GRM4: variants seen among roughly 807,000 people sequenced by gnomAD.
GRM4 encodes the protein metabotropic glutamate receptor 4.
In GRM4, 28 loss-of-function variants were observed where a neutral mutation model predicts 81.7. The ratio of observed to expected loss-of-function variants is 0.34; its 90% confidence interval spans 0.25 to 0.47. The LOEUF is 0.47. GRM4 is among the 20% of genes least tolerant of loss of function. GRM4 has a pLI of 1.00. For missense variants in GRM4, 948 were observed against 1,290.0 expected (o/e 0.73, Z 4.06); for synonymous variants, 488 against 528.8 (o/e 0.92, Z 1.06).
At chr6:34,148,833 A>C (rs1411437363), upstream of GRM4, among the ~76,000 whole-genome samples, 7 of 152,006 alleles carry the variant, frequency 4.6e-5, no homozygotes, top group Admixed American at 2.0e-4. Context: ...TCACTCTTAA[A>C]CCTTTAAAGG....
chr6:34,127,295 G>A (rs1433603108), intron 2 of GRM4, among the ~76,000 whole-genome samples: 1 of 152,248 alleles, frequency 6.6e-6, no homozygotes, highest in Non-Finnish European at 1.5e-5. Flanking sequence ...GGCTGAATGA[G>A]AAAGATCCAG....
At chr6:34,117,313 G>A (rs1449446250) in intron 2 of GRM4, among the ~76,000 whole-genome samples, 12 of 152,170 alleles carry the variant, frequency 7.9e-5, no homozygotes. Flanking sequence ...GCCGGAGGGA[G>A]GGAACAAAGA....
At chr6:34,100,052 C>T (rs1420062008) in intron 2 of GRM4, 7 of 984,082 alleles carry the variant, frequency 7.1e-6, no homozygotes, top group East Asian at 1.1e-4. Flanking sequence ...GGATTTAGAC[C>T]AGCTGCCTAC....
At chr6:34,146,369 C>CA (rs1770932323), upstream of GRM4, among the ~76,000 whole-genome samples, 1 of 152,216 alleles carries the variant, frequency 6.6e-6, no homozygotes, top group South Asian at 2.1e-4. Context: ...TGGTCTCCCT[C>CA]CAGCACTGGA....
At chr6:34,104,631 C>A (rs533763541) in intron 2 of GRM4, among the ~76,000 whole-genome samples, 2 of 152,166 alleles carry the variant, frequency 1.3e-5, no homozygotes, top group African/African-American at 4.8e-5. Flanking sequence ...GCACACACTG[C>A]GTGTCCATTC....
intron 2 of GRM4, among the ~76,000 whole-genome samples, chr6:34,104,146 C>A (rs1451638414): frequency 1.3e-5 from 2 of 152,366 alleles, no homozygotes; most frequent in East Asian, 3.9e-4. Flanking sequence ...TGGGCCAGGA[C>A]ACAGGCAATG....
At chr6:34,044,433 C>T (rs945710925) in intron 6 of GRM4, among the ~76,000 whole-genome samples, 1 of 148,384 alleles carries the variant, frequency 6.7e-6, no homozygotes, top group East Asian at 2.0e-4. Flanking sequence ...TACACACAGA[C>T]ATACATACAT....
upstream of GRM4, chr6:34,146,091 G>A (rs79719881): frequency 1.1e-3 from 1,116 of 985,402 alleles, 1 homozygote; most frequent in Middle Eastern, 3.1e-3. Flanking sequence ...GTACAGCAAA[G>A]CACAGGGACG....
intron 2 of GRM4, among the ~76,000 whole-genome samples, chr6:34,125,613 G>C (rs1769992687): frequency 6.6e-6 from 1 of 152,236 alleles, no homozygotes. Context: ...CAATCCACAG[G>C]GAAGGGCCTG....
chr6:34,029,953 C>G (rs760403434), intron 9 of GRM4, among the ~76,000 whole-genome samples: 1 of 152,192 alleles, frequency 6.6e-6, no homozygotes, highest in African/African-American at 2.4e-5. Flanking sequence ...AAAATGAAAG[C>G]CTGTCCCCCA....
chr6:34,142,204 T>G (rs2127517270), intron 1 of GRM4, among the ~76,000 whole-genome samples: 1 of 152,300 alleles, frequency 6.6e-6, no homozygotes, highest in African/African-American at 2.4e-5. Flanking sequence ...CCAGCAGCTC[T>G]TCTGCAGCCC....
chr6:34,148,466 C>T (rs980246843), upstream of GRM4, among the ~76,000 whole-genome samples: 5 of 152,038 alleles, frequency 3.3e-5, no homozygotes, highest in African/African-American at 1.2e-4. Flanking sequence ...CAAAGAACTT[C>T]CAGTGGCGTC....
At position 34,090,643 on chromosome 6, in the gene GRM4, G is replaced by A. The variant is rs549595199; in HGVS notation, c.736+1240C>T. Among the ~76,000 whole-genome samples, 118 of 151,948 alleles carry A rather than the reference G, an allele frequency of 7.8e-4. No individual in the cohort carries two copies. The highest frequency in any genetic ancestry group is 2.6e-3 in the African/African-American group (109 of 41,428). ...AGTCAGTGCTGCCCCACTTCCCGCC[G>A]CCCCGCTGCCCCCTCCACCAGGTGG... On this transcript the variant is annotated intron_variant, in intron 3 of 10. Transcript: ENST00000538487. This position sits in a 1 kb window ranked among gnomAD's most constrained non-coding sequence, Gnocchi z 5.2.
intron 3 of GRM4, among the ~76,000 whole-genome samples, chr6:34,073,154 C>A (rs62646209): frequency 1.4e-4 from 4 of 28,660 alleles, no homozygotes; most frequent in African/African-American, 5.6e-4. Flanking sequence ...CACATCACCA[C>A]AGACACACAC....
intron 10 of GRM4, among the ~76,000 whole-genome samples, 195 bp from the exon 11 acceptor site, chr6:34,023,065 T>G (rs1763968669): frequency 6.6e-6 from 1 of 152,246 alleles, no homozygotes; most frequent in Non-Finnish European, 1.5e-5. Flanking sequence ...CTTCTCCTGC[T>G]GTTCCTAGCT....
chr6:34,143,452 G>T (rs992320539), intron 1 of GRM4, among the ~76,000 whole-genome samples: 2 of 152,176 alleles, frequency 1.3e-5, no homozygotes, highest in South Asian at 4.1e-4. Context: ...CCAAGAAGAG[G>T]TGACGAGGCC....
At position 34,103,162 on chromosome 6, in the gene GRM4, CTCT is replaced by C. The variant is rs570320239; in HGVS notation, c.520-11066_520-11064del. Among the ~76,000 whole-genome samples, 46 of 152,344 alleles carry C rather than the reference CTCT, an allele frequency of 3.0e-4. 1 individual carries two copies. In the East Asian group the frequency reaches 8.9e-3, roughly 29 times the overall value. The stretch of plus-strand genomic sequence containing the variant: ...TCCCCATCCCCGGGTCCTGCCCAGC[CTCT>C]TATCAGGAAAACAAGCGGACACTTG... On this transcript the variant is annotated intron_variant, in intron 2 of 10. Coordinates refer to ENST00000538487, the MANE Select transcript of GRM4 (RefSeq NM_000841.4).
intron 1 of GRM4, among the ~76,000 whole-genome samples, chr6:34,141,084 G>A (rs1027428899): frequency 3.3e-5 from 5 of 151,962 alleles, no homozygotes; most frequent in Non-Finnish European, 5.9e-5. Flanking sequence ...AGCAATGACA[G>A]AGTTTTTACT....
rs139368079 is a variant in GRM4 at position 34,049,040 on chromosome 6, C to T, written c.1168+7504G>A. Among the ~76,000 whole-genome samples the T allele has an allele frequency of 1.5e-3, 226 of 152,224 alleles. 1 individual carries two copies. Among genetic ancestry groups the T allele is most frequent in the African/African-American group, 5.1e-3 (211 of 41,512 alleles). ...CATTTCTCCGATTTAAGCAAACAAACAAATCCCCTCTCTTGACCCACCCCT... is the reference window on the plus strand; with the variant it reads ...CATTTCTCCGATTTAAGCAAACAAATAAATCCCCTCTCTTGACCCACCCCT... On this transcript the variant is annotated intron_variant, in intron 6 of 10. Transcript: ENST00000538487.
Sources: gnomAD v4.1 joint callset for allele counts (sites outside exome capture counted in the v4.1 genomes callset) on GRCh38, gnomAD v4.1.1 for gene constraint, Gnocchi (gnomAD v3.1) non-coding constraint, MANE v1.5 for transcripts, NCBI Gene and HGNC (gene_info 2026-07-23, HGNC 2026-07-21) for gene names.